ERICH6B: variants seen among roughly 807,000 people sequenced by gnomAD.
The protein encoded by ERICH6B is glutamate-rich protein 6B.
Under a neutral mutation model 80.0 loss-of-function variants are expected in ERICH6B, and 69 were observed. The ratio of observed to expected loss-of-function variants is 0.86; its 90% CI spans 0.71 to 1.05. The LOEUF is 1.05. ERICH6B is among the 50% of genes least tolerant of loss of function. The probability of loss-of-function intolerance (pLI) is 0.00; values close to 1 mark genes in which losing one functional copy is unlikely to be tolerated. For synonymous variants in ERICH6B, 283 were observed against 291.9 expected, an observed-to-expected ratio of 0.97 and a Z score of 0.31; for missense variants, 754 against 796.1, an observed-to-expected ratio of 0.95 and a Z score of 0.64.
intron 3 of ERICH6B, among the ~76,000 whole-genome samples, chr13:45,593,420 A>T (rs1303189489): frequency 6.6e-6 from 1 of 152,224 alleles, no homozygotes; most frequent in African/African-American, 2.4e-5. Context: ...ATGTAATATA[A>T]TAATACTTAT....
chr13:45,587,387 A>G (rs1366770661), intron 4 of ERICH6B, among the ~76,000 whole-genome samples, 155 bp from the exon 5 acceptor site: 1 of 152,160 alleles, frequency 6.6e-6, no homozygotes, highest in Non-Finnish European at 1.5e-5. Flanking sequence ...GAATCATGAA[A>G]AATAGGCCAG....
intron 11 of ERICH6B, among the ~76,000 whole-genome samples, chr13:45,558,769 C>T (rs546454882): frequency 3.3e-5 from 5 of 152,098 alleles, no homozygotes; most frequent in Admixed American, 2.6e-4. Context: ...TTCCTGCATC[C>T]CTGGTATGAA....
intron 14 of ERICH6B, among the ~76,000 whole-genome samples, chr13:45,543,573 G>T (rs1873872129): frequency 6.6e-6 from 1 of 152,222 alleles, no homozygotes; most frequent in South Asian, 2.1e-4. Context: ...CACAAGCCAA[G>T]AATGCCAGAA....
intron 1 of ERICH6B, among the ~76,000 whole-genome samples, chr13:45,612,654 A>G (rs762614981): frequency 5.3e-5 from 8 of 152,086 alleles, no homozygotes; most frequent in Non-Finnish European, 1.2e-4. Context: ...CCTCCCTCCT[A>G]CCTGCCTAGC....
chr13:45,599,917 A>C (rs529840070), intron 2 of ERICH6B, among the ~76,000 whole-genome samples: 1 of 152,358 alleles, frequency 6.6e-6, no homozygotes, highest in Non-Finnish European at 1.5e-5. Flanking sequence ...CTGTGCCTGC[A>C]GTTGGCTTGC....
At chr13:45,598,623 G>A (rs564278724) in intron 2 of ERICH6B, among the ~76,000 whole-genome samples, 1 of 152,186 alleles carries the variant, frequency 6.6e-6, no homozygotes, top group African/African-American at 2.4e-5. Context: ...TTCATCATGG[G>A]CAAATGGCAC....
rs75278442 is a variant in ERICH6B, at chr13:45,592,378, G to C, written c.638-1681C>G. On this transcript the variant is annotated intron_variant, in intron 3 of 14. Transcript: ENST00000298738. The stretch of plus-strand genomic sequence containing the variant: ...GTGAACTTCCTTTCATGAAAAGTTG[G>C]CTGGCTTTCTCATCTCTGCCTTGTT... Among the ~76,000 whole-genome samples the C allele has an allele frequency of 3.4e-3, 522 of 152,258 alleles. 2 individuals carry two copies. The highest frequency in any genetic ancestry group is 0.012 in the African/African-American group (497 of 41,558).
rs200013791 is a variant in ERICH6B at position 45,557,947 on chromosome 13, T to TTC, written c.1407+3421_1407+3422insGA. On this transcript the variant is annotated intron_variant, in intron 11 of 14. Coordinates refer to ENST00000298738, the MANE Select transcript of ERICH6B (RefSeq NM_182542.3). ...TTCATTCCATGTGAATTTTAGGATT[T>TTC]TTTTTTTTCTAGTTCTGTGAAGAAT... 2.1e-3 allele frequency among the ~76,000 whole-genome samples: 324 copies of TTC among 151,972 alleles called. 7 individuals carry two copies. In the South Asian group the frequency reaches 0.046, roughly 22 times the overall value.
chr13:45,615,008 C>T (rs1439954435), intron 1 of ERICH6B, among the ~76,000 whole-genome samples: 1 of 152,256 alleles, frequency 6.6e-6, no homozygotes, highest in East Asian at 1.9e-4. Context: ...GCACTCATTA[C>T]AACATCATTT....
At chr13:45,562,318 A>C (rs571262908) in intron 10 of ERICH6B, among the ~76,000 whole-genome samples, 126 of 152,204 alleles carry the variant, frequency 8.3e-4, no homozygotes, top group Non-Finnish European at 1.6e-3. Flanking sequence ...GATTATGGGC[A>C]TGAGGCACCA....
At chr13:45,585,279 T>A (rs770148681) in intron 5 of ERICH6B, among the ~76,000 whole-genome samples, 7 of 152,176 alleles carry the variant, frequency 4.6e-5, no homozygotes, top group Non-Finnish European at 7.3e-5. Flanking sequence ...AATATTCCTT[T>A]CCATGGCTTT....
chr13:45,549,947 G>A lies in ERICH6B; in HGVS notation c.1592C>T (p.Ala531Val), dbSNP rs1253216197. Residue 531 changes from alanine to valine, a missense_variant, in exon 13 of 15, where the codon GCC becomes GTC. Coordinates refer to ENST00000298738, the MANE Select transcript of ERICH6B (RefSeq NM_182542.3). Reference sequence around the variant, plus strand: ...AGCATTGCCTGAGTTGTTGATAAGGGCCCGGATCCTCCCTTCTAGACTGTC... The same window carrying A: ...AGCATTGCCTGAGTTGTTGATAAGGACCCGGATCCTCCCTTCTAGACTGTC... ...LEDSLEGRIR[A>V]LINNSGNATF... The A allele has an allele frequency of 6.4e-7, 1 of 1,551,614 alleles. No homozygotes were observed. Among genetic ancestry groups the A allele is most frequent in the Non-Finnish European group, 8.7e-7 (1 of 1,147,000 alleles).
In ERICH6B at chr13:45,546,522, C is replaced by G. The variant is rs970410552; in HGVS notation, c.1647-1537G>C. Among the ~76,000 whole-genome samples the G allele has an allele frequency of 9.2e-5, 14 of 152,166 alleles. 1 individual carries two copies. Among genetic ancestry groups the G allele is most frequent in the Non-Finnish European group, 2.9e-5 (2 of 68,026 alleles). ...AAACAACCCTTGATATTGTTGCATA[C>G]GTGACAGGCTTTGACGCCCGTAGCT... is the stretch of plus-strand genomic sequence containing the variant. On this transcript the variant is annotated intron_variant, in intron 13 of 14. Transcript: ENST00000298738.
At chr13:45,545,092 A>T in intron 13 of ERICH6B, 107 bp from the exon 14 acceptor site, 1 of 943,332 alleles carries the variant, frequency 1.1e-6, no homozygotes, top group South Asian at 1.7e-5. Flanking sequence ...AGAAAGACTG[A>T]CAGGGACTTG....
chr13:45,594,924 C>A (rs929317972), intron 3 of ERICH6B, among the ~76,000 whole-genome samples: 1 of 152,212 alleles, frequency 6.6e-6, no homozygotes, highest in Non-Finnish European at 1.5e-5. Flanking sequence ...GAAGACACTG[C>A]AGGGGCATAT....
At chr13:45,597,147 C>T (rs1278667797) in intron 2 of ERICH6B, 84 bp from the exon 3 acceptor site, 6 of 972,736 alleles carry the variant, frequency 6.2e-6, no homozygotes, top group Non-Finnish European at 9.0e-6. Flanking sequence ...TCACTTATTT[C>T]ATTCAGTAGT....
At chr13:45,598,233 G>A (rs185049746) in intron 2 of ERICH6B, among the ~76,000 whole-genome samples, 1 of 152,062 alleles carries the variant, frequency 6.6e-6, no homozygotes, top group African/African-American at 2.4e-5. Flanking sequence ...AGGTGTAAAT[G>A]TCTCAATGAT....
chr13:45,594,389 G>A (rs1876278110), intron 3 of ERICH6B, among the ~76,000 whole-genome samples: 3 of 152,148 alleles, frequency 2.0e-5, no homozygotes, highest in Non-Finnish European at 4.4e-5. Flanking sequence ...ACTCTAGTGG[G>A]TAATATATTT....
At chr13:45,613,868 C>A (rs530633278) in intron 1 of ERICH6B, among the ~76,000 whole-genome samples, 3 of 152,088 alleles carry the variant, frequency 2.0e-5, no homozygotes, top group Non-Finnish European at 4.4e-5. Context: ...GGCCGGTAAA[C>A]CACTAAGGTC....
Sources: gnomAD v4.1 joint callset for allele counts (sites outside exome capture counted in the v4.1 genomes callset) on GRCh38, gnomAD v4.1.1 for gene constraint, MANE v1.5 for transcripts, NCBI Gene and HGNC (gene_info 2026-07-23, HGNC 2026-07-21) for gene names.